Variants in DLG2 observed in about 807,000 individuals in gnomAD.
The protein encoded by DLG2 is disks large homolog 2.
DLG2 carries 45 observed loss-of-function variants against 132.5 expected under a neutral mutation model. That is an observed-to-expected ratio of 0.34 (90% CI 0.27 to 0.44). The LOEUF is 0.44. Ranked by LOEUF, DLG2 falls within the 20% of genes least tolerant of loss-of-function variation. The probability of loss-of-function intolerance (pLI) is 1.00; values close to 1 mark genes in which losing one functional copy is unlikely to be tolerated. For missense variants in DLG2, 1,045 were observed against 1,196.9 expected, an observed-to-expected ratio of 0.87 and a Z score of 1.87; for synonymous variants, 424 against 419.6, an observed-to-expected ratio of 1.01 and a Z score of -0.13.
intron 18 of DLG2, among the ~76,000 whole-genome samples, chr11:83,707,688 C>T (rs2084369460): frequency 6.6e-6 from 1 of 152,126 alleles, no homozygotes; most frequent in South Asian, 2.1e-4. Flanking sequence ...ACAATAACAA[C>T]AGCAATAACA....
intron 9 of DLG2, among the ~76,000 whole-genome samples, chr11:84,125,332 T>C (rs894362670): frequency 2.0e-5 from 3 of 152,212 alleles, no homozygotes; most frequent in Non-Finnish European, 4.4e-5. Flanking sequence ...CCATAGCTTT[T>C]ATGTAGCATG....
chr11:85,452,241 T>C (rs1597442300), intron 3 of DLG2: 1 of 151,826 alleles, frequency 6.6e-6, no homozygotes, highest in East Asian at 1.9e-4. Context: ...AACAGGTAGT[T>C]GTTTTTTTTT....
intron 3 of DLG2, among the ~76,000 whole-genome samples, chr11:85,388,275 C>T (rs2086511669): frequency 1.3e-5 from 2 of 152,090 alleles, no homozygotes; most frequent in Non-Finnish European, 2.9e-5. Flanking sequence ...GAACCACACC[C>T]CCAGCCCCCA....
At chr11:83,928,724 T>C (rs1213468375) in intron 15 of DLG2, among the ~76,000 whole-genome samples, 1 of 152,162 alleles carries the variant, frequency 6.6e-6, no homozygotes, top group Non-Finnish European at 1.5e-5. Flanking sequence ...CAAGTCTCGA[T>C]TTTCTCATTT....
At chr11:83,822,085 T>C (rs1467089164) in intron 17 of DLG2, among the ~76,000 whole-genome samples, 2 of 152,160 alleles carry the variant, frequency 1.3e-5, no homozygotes, top group Non-Finnish European at 2.9e-5. Context: ...ACTTTGAAGC[T>C]GGGCAGACCT....
At chr11:84,450,734 GT>G (rs1380068835) in intron 7 of DLG2, among the ~76,000 whole-genome samples, 2 of 151,676 alleles carry the variant, frequency 1.3e-5, no homozygotes, top group African/African-American at 4.8e-5. Context: ...TTTTCACAAT[GT>G]TTATCATGTT....
Position 83,724,476 on chromosome 11 carries a change from T to TGTGAGAGAGAGAGAGAGA in DLG2, c.1825+62213_1825+62214insTCTCTCTCTCTCTCTCAC, listed in dbSNP as rs762050933. 1.1e-3 allele frequency among the ~76,000 whole-genome samples: 135 copies of TGTGAGAGAGAGAGAGAGA among 118,206 alleles called. 1 individual carries two copies. Among genetic ancestry groups the TGTGAGAGAGAGAGAGAGA allele is most frequent in the South Asian group, 3.0e-3 (9 of 3,034 alleles). The allele number at this position is 118,206 out of a possible 152,430, so 77.5% of individuals were successfully genotyped here. On this transcript the variant is annotated intron_variant, in intron 18 of 27. Transcript: ENST00000376104. ...CTCTCTCCGTGTGTGTGTGTGTGTG[T>TGTGAGAGAGAGAGAGAGA]GAGAGAGAGAGAGAGAGAGAGAGAG...
chr11:85,566,331 G>A (rs967014005), intron 3 of DLG2, among the ~76,000 whole-genome samples: 6 of 152,026 alleles, frequency 3.9e-5, no homozygotes, highest in Admixed American at 6.6e-5. Flanking sequence ...AAATGGTGAA[G>A]TCCAATTTAT....
chr11:84,948,200 AG>A (rs1225001665), intron 6 of DLG2, among the ~76,000 whole-genome samples: 3 of 152,218 alleles, frequency 2.0e-5, no homozygotes, highest in Non-Finnish European at 4.4e-5. Flanking sequence ...CGCTGCTGGA[AG>A]GCCTTCCCAT....
chr11:84,298,996 T>C (rs1319931971), intron 7 of DLG2, among the ~76,000 whole-genome samples: 3 of 152,218 alleles, frequency 2.0e-5, no homozygotes, highest in Non-Finnish European at 4.4e-5. Flanking sequence ...CTGTTTTCTA[T>C]GAGATGTTCA....
At chr11:84,495,431 CA>C (rs2099179363) in intron 7 of DLG2, among the ~76,000 whole-genome samples, 1 of 152,116 alleles carries the variant, frequency 6.6e-6, no homozygotes. Context: ...TATTTTCCTT[CA>C]AGACATTCAA....
intron 6 of DLG2, among the ~76,000 whole-genome samples, chr11:85,012,587 A>G (rs963603724): frequency 1.3e-5 from 2 of 152,186 alleles, no homozygotes; most frequent in Non-Finnish European, 2.9e-5. Flanking sequence ...ATGCTAAGCA[A>G]TGAATTGTAC....
intron 6 of DLG2, among the ~76,000 whole-genome samples, chr11:84,621,065 G>A (rs183561745): frequency 6.6e-6 from 1 of 152,050 alleles, no homozygotes; most frequent in Non-Finnish European, 1.5e-5. Context: ...TAATAAATGA[G>A]AAAAGCAAAT....
intron 10 of DLG2, among the ~76,000 whole-genome samples, chr11:84,070,073 A>G (rs1400352969): frequency 6.6e-6 from 1 of 152,174 alleles, no homozygotes; most frequent in Non-Finnish European, 1.5e-5. Flanking sequence ...ACCAGGTTCA[A>G]CTTCCTAAGG....
At chr11:84,132,714 A>C (rs568114987) in intron 9 of DLG2, among the ~76,000 whole-genome samples, 1 of 152,144 alleles carries the variant, frequency 6.6e-6, no homozygotes, top group East Asian at 1.9e-4. Flanking sequence ...AGCAAATAGG[A>C]ATAAAATAGC....
intron 3 of DLG2, among the ~76,000 whole-genome samples, chr11:85,544,492 T>A (rs1454772679): frequency 6.6e-6 from 1 of 152,218 alleles, no homozygotes; most frequent in African/African-American, 2.4e-5. Flanking sequence ...TTTGATTCCA[T>A]ATGAAATTTA....
intron 8 of DLG2, among the ~76,000 whole-genome samples, chr11:84,242,567 G>A (rs1164962026): frequency 2.0e-5 from 3 of 151,780 alleles, no homozygotes; most frequent in Admixed American, 6.6e-5. Flanking sequence ...CACTGTGCCC[G>A]GCTAATTTTT....
chr11:85,464,562 A>C (rs145775595), intron 3 of DLG2, among the ~76,000 whole-genome samples: 306 of 152,240 alleles, frequency 2.0e-3, no homozygotes, highest in Non-Finnish European at 3.3e-3. Context: ...ATTTCAAAAA[A>C]ACAATCTTAG....
intron 6 of DLG2, among the ~76,000 whole-genome samples, chr11:84,773,943 T>C (rs1232655884): frequency 1.3e-5 from 2 of 151,962 alleles, no homozygotes; most frequent in African/African-American, 4.8e-5. Flanking sequence ...GCCAGAGTAA[T>C]CAGACAAGAG....
Sources: allele counts gnomAD v4.1 joint callset (sites outside exome capture counted in the v4.1 genomes callset), GRCh38; gene constraint gnomAD v4.1.1; transcripts MANE v1.5; gene names NCBI Gene and HGNC (gene_info 2026-07-23, HGNC 2026-07-21).